The following COL6A6 variants were observed in gnomAD, a reference collection of about 807,000 sequenced individuals.
COL6A6 encodes the protein collagen alpha-6(VI) chain.
Under a neutral mutation model 208.6 loss-of-function variants are expected in COL6A6, and 183 were observed. The observed-to-expected ratio is 0.88, with a 90% CI of 0.78 to 0.99. The LOEUF (loss-of-function observed/expected upper bound fraction) is 0.99, where lower values mean the gene tolerates loss of function less well. Ranked by LOEUF, COL6A6 falls within the 50% of genes least tolerant of loss-of-function variation. The pLI is 0.00. For missense variants in COL6A6, 2,816 were observed against 2,815.2 expected (o/e 1.00, Z -0.01); for synonymous variants, 973 against 1,011.8 (o/e 0.96, Z 0.73).
intron 27 of COL6A6, 25 bp from the exon 28 acceptor site, chr3:130,635,674 A>G: frequency 1.3e-6 from 2 of 1,500,136 alleles, no homozygotes; most frequent in African/African-American, 1.4e-5. Flanking sequence ...TTTAATAACT[A>G]TTTTACTTTA....
chr3:130,646,882 C>T (rs1297042210), intron 32 of COL6A6, among the ~76,000 whole-genome samples: 1 of 152,026 alleles, frequency 6.6e-6, no homozygotes, highest in Non-Finnish European at 1.5e-5. Flanking sequence ...ACTTGGGCTG[C>T]TATGGGGAGA....
chr3:130,542,998 C>A (rs1173977053), intron 1 of COL6A6, among the ~76,000 whole-genome samples: 2 of 150,612 alleles, frequency 1.3e-5, no homozygotes, highest in African/African-American at 4.9e-5. Flanking sequence ...CTCCGCCTCC[C>A]GGGTTCAAGG....
intron 35 of COL6A6, 132 bp from the exon 36 acceptor site, chr3:130,664,871 A>G: frequency 1.6e-6 from 1 of 616,488 alleles, no homozygotes; most frequent in Non-Finnish European, 2.9e-6. Context: ...CTTTCATTTC[A>G]TGTGATCACC....
At chr3:130,564,878 C>T (rs1271261694) in intron 3 of COL6A6, 116 bp from the exon 4 acceptor site, 6 of 1,152,986 alleles carry the variant, frequency 5.2e-6, no homozygotes, top group Non-Finnish European at 7.4e-6. Context: ...TATTTGTCTA[C>T]CTCCTTCTCT....
intron 7 of COL6A6, 131 bp from the exon 8 acceptor site, chr3:130,573,825 T>A (rs1274531567): frequency 1.6e-5 from 10 of 632,388 alleles, no homozygotes; most frequent in Non-Finnish European, 2.5e-5. Context: ...CGCCTCGGCC[T>A]CCCAAAGTGC....
intron 1 of COL6A6, among the ~76,000 whole-genome samples, chr3:130,538,336 A>G (rs1284164089): frequency 6.6e-6 from 1 of 152,230 alleles, no homozygotes; most frequent in Admixed American, 6.5e-5. Flanking sequence ...ACATGTTAAG[A>G]GTTGAAAATG....
At chr3:130,657,703 A>G in intron 33 of COL6A6, among the ~76,000 whole-genome samples, 1 of 152,196 alleles carries the variant, frequency 6.6e-6, no homozygotes, top group East Asian at 1.9e-4. Flanking sequence ...CTTTAACACC[A>G]TATCTAGTCC....
At chr3:130,533,108 C>T (rs1256887769) in intron 1 of COL6A6, among the ~76,000 whole-genome samples, 1 of 152,046 alleles carries the variant, frequency 6.6e-6, no homozygotes, top group Non-Finnish European at 1.5e-5. Context: ...TAAAGCTAAC[C>T]TAGATTTAGG....
At chr3:130,535,156 T>C (rs2403318) in intron 1 of COL6A6, among the ~76,000 whole-genome samples, 105,799 of 151,650 alleles carry the variant, frequency 0.7, 40,862 homozygotes, top group Non-Finnish European at 0.87. Flanking sequence ...TAGACCCATG[T>C]CAGTTGTTCT....
At chr3:130,596,340 A>G (rs983748636) in intron 18 of COL6A6, among the ~76,000 whole-genome samples, 1 of 152,178 alleles carries the variant, frequency 6.6e-6, no homozygotes, top group Non-Finnish European at 1.5e-5. Flanking sequence ...TTGCTATATA[A>G]CCTCCACTGA....
intron 10 of COL6A6, among the ~76,000 whole-genome samples, chr3:130,583,094 T>A (rs1286402999): frequency 6.6e-6 from 1 of 152,230 alleles, no homozygotes; most frequent in East Asian, 1.9e-4. Flanking sequence ...TCTCAAACTC[T>A]GTTTCTAGGG....
chr3:130,550,644 C>T (rs371354422), intron 1 of COL6A6, among the ~76,000 whole-genome samples: 1 of 152,146 alleles, frequency 6.6e-6, no homozygotes, highest in East Asian at 1.9e-4. Flanking sequence ...CCCTCATAAA[C>T]CCATTAGATC....
At chr3:130,578,845 A>C (rs943791938) in intron 8 of COL6A6, among the ~76,000 whole-genome samples, 1 of 152,170 alleles carries the variant, frequency 6.6e-6, no homozygotes, top group Non-Finnish European at 1.5e-5. Flanking sequence ...GCCGTTCTGC[A>C]GTGAGCATGG....
Position 130,598,413 on chromosome 3 carries a change from G to T in COL6A6, c.4582G>T (p.Gly1528Ter), listed in dbSNP as rs373020656. Residue 1528 changes from glycine (G) to a stop codon, truncating the protein, a stop_gained, in exon 19 of 37, where the codon GGA (glycine) becomes TGA (stop). Coordinates refer to ENST00000358511, the MANE Select transcript of COL6A6 (RefSeq NM_001102608.3). LOFTEE classifies it high-confidence loss of function. ...SSIEGPTGLK[G>*]ERGRQGRRGW... The stretch of plus-strand genomic sequence containing the variant: ...CATAGAAGGACCCACAGGCTTGAAA[G>T]GAGAACGTGGAAGACAAGTAATTAC... 1 of 1,551,432 alleles carries T rather than the reference G, an allele frequency of 6.4e-7. No homozygotes were observed. Among genetic ancestry groups the T allele is most frequent in the Non-Finnish European group, 8.7e-7 (1 of 1,146,172 alleles).
rs947586406 is a variant in COL6A6 at position 130,675,448 on chromosome 3, T to TA, written c.*54dup. 64 of 1,346,016 alleles carry TA rather than the reference T, an allele frequency of 4.8e-5. No individual in the cohort carries two copies. The highest frequency in any genetic ancestry group is 6.2e-5 in the Non-Finnish European group (62 of 997,666). 83.4% of individuals were successfully genotyped at this position (1,346,016 alleles called of 1,614,324 possible). The stretch of plus-strand genomic sequence containing the variant: ...AGGAAGCATGGTAAGACTCTGGACT[T>TA]AAATAGTAACTAAATCTGCTGCCAG... On this transcript the variant is annotated 3_prime_UTR_variant, in exon 37 of 37. Coordinates refer to ENST00000358511, the MANE Select transcript of COL6A6 (RefSeq NM_001102608.3).
chr3:130,633,889 CTG>C (rs2065016596), intron 26 of COL6A6, among the ~76,000 whole-genome samples: 1 of 35,024 alleles, frequency 2.9e-5, no homozygotes, highest in Non-Finnish European at 4.0e-5. Flanking sequence ...ATATCACACT[CTG>C]GGGACTGTGG....
chr3:130,627,971 A>G (rs887686780), intron 26 of COL6A6, among the ~76,000 whole-genome samples: 3 of 152,232 alleles, frequency 2.0e-5, no homozygotes, highest in African/African-American at 4.8e-5. Flanking sequence ...AGTTAAGGAT[A>G]TCATGTCTGC....
At chr3:130,593,330 AGCT>A in intron 17 of COL6A6, 78 bp downstream of exon 17, 2 of 1,101,786 alleles carry the variant, frequency 1.8e-6, no homozygotes, top group Non-Finnish European at 2.7e-6. Context: ...ATACTCAGTC[AGCT>A]ATTGCTACAA....
intron 1 of COL6A6, among the ~76,000 whole-genome samples, chr3:130,554,130 G>A (rs1266117863): frequency 6.6e-6 from 1 of 152,214 alleles, no homozygotes; most frequent in Non-Finnish European, 1.5e-5. Context: ...GGTAGTGCTA[G>A]CCAAAGTGCT....
Sources: allele counts gnomAD v4.1 joint callset (sites outside exome capture counted in the v4.1 genomes callset), GRCh38; gene constraint gnomAD v4.1.1; transcripts MANE v1.5; gene names NCBI Gene and HGNC (gene_info 2026-07-23, HGNC 2026-07-21).